Variants in OR14J1 observed in about 807,000 individuals in gnomAD.
OR14J1 encodes olfactory receptor family 14 subfamily J member 1.
For synonymous variants in OR14J1, 140 were observed against 146.7 expected (o/e 0.95, Z 0.33); for missense variants, 378 against 393.4 (o/e 0.96, Z 0.33).
At chr6:29,303,395 A>C (rs902273401) in intron 1 of OR14J1, among the ~76,000 whole-genome samples, 1 of 152,202 alleles carries the variant, frequency 6.6e-6, no homozygotes, top group Non-Finnish European at 1.5e-5. Flanking sequence ...AGAACTGTAT[A>C]ATAGTGTCAT....
At position 29,306,917 on chromosome 6, in the gene OR14J1, C is replaced by T. The variant is rs375688699; in HGVS notation, c.228C>T (p.Val76=). The change falls in exon 2 of 2, where the codon GTC becomes GTT. Residue 76 remains valine, a synonymous_variant. Transcript: ENST00000641895. The part of the protein sequence containing the change: ...LLDLCFISVT[V]PQSIANSLMG... Reference sequence around the variant, plus strand: ...ACCTCTGCTTCATCTCTGTCACAGTCCCCCAGTCCATTGCAAATTCACTTA... The same window carrying T: ...ACCTCTGCTTCATCTCTGTCACAGTTCCCCAGTCCATTGCAAATTCACTTA... 3.7e-6 allele frequency: 6 copies of T among 1,612,904 alleles called. No homozygotes were observed. The highest frequency in any genetic ancestry group is 1.3e-5 in the African/African-American group (1 of 74,908).
chr6:29,304,539 A>G (rs34778420), intron 1 of OR14J1, among the ~76,000 whole-genome samples: 1 of 152,106 alleles, frequency 6.6e-6, no homozygotes, highest in Admixed American at 6.6e-5. Context: ...TATCATCCTT[A>G]ATCCTAAGAG....
At position 29,307,853 on chromosome 6, in the gene OR14J1, T is replaced by C. The variant is rs1208008691; in HGVS notation, c.*198T>C. The C allele has an allele frequency of 8.4e-6, 4 of 473,918 alleles. No homozygotes were observed. The highest frequency in any genetic ancestry group is 1.5e-5 in the Non-Finnish European group (4 of 272,544). The allele number at this position is 473,918 out of a possible 1,614,324, so 29.4% of individuals were successfully genotyped here. ...CCAATTCAAGTGTTATTTTAAGTCA[T>C]CTTTGGAAAATTTTTCTGAAATGAA... On this transcript the variant is annotated 3_prime_UTR_variant, in exon 2 of 2. Coordinates refer to ENST00000641895, the MANE Select transcript of OR14J1 (RefSeq NM_030946.2).
At position 29,307,681 on chromosome 6, in the gene OR14J1, T is replaced by C. The variant is rs1562853416; in HGVS notation, c.*26T>C. On this transcript the variant is annotated 3_prime_UTR_variant, in exon 2 of 2. Transcript: ENST00000641895. ...AGAACCATACAAATGAAAGGCATTG[T>C]TATTATGTTTCAGATTGGAAGAGAG... The C allele has an allele frequency of 1.5e-6, 2 of 1,350,352 alleles. No homozygotes were observed. The highest frequency in any genetic ancestry group is 2.0e-6 in the Non-Finnish European group (2 of 980,680). 83.6% of individuals were successfully genotyped at this position (1,350,352 alleles called of 1,614,324 possible). A position where few individuals can be genotyped will look rare whatever the true frequency, so the allele number is the denominator to read the frequency against.
At chr6:29,305,225 A>G (rs1412310054) in intron 1 of OR14J1, among the ~76,000 whole-genome samples, 1 of 152,232 alleles carries the variant, frequency 6.6e-6, no homozygotes, top group Non-Finnish European at 1.5e-5. Flanking sequence ...AGTTTCAGTC[A>G]GTTCTCAAAA....
In OR14J1 at chr6:29,312,176, T is replaced by C. The variant is rs1775562898; in HGVS notation, c.*4521T>C. 6.6e-6 allele frequency: 1 copy of C among 152,250 alleles called. No individual in the cohort carries two copies. The highest frequency in any genetic ancestry group is 1.5e-5 in the Non-Finnish European group (1 of 68,070). The allele number at this position is 152,250 out of a possible 1,614,324, so 9.4% of individuals were successfully genotyped here. A position where few individuals can be genotyped will look rare whatever the true frequency, so the allele number is the denominator to read the frequency against. On this transcript the variant is annotated 3_prime_UTR_variant, in exon 2 of 2. Transcript: ENST00000641895. ...TTTTGAATTTGTTTTCTCTTGCTTC[T>C]CTAGTTGTTTTAATTGCGATATTAG...
In OR14J1 at chr6:29,311,416, T is replaced by C. The variant is rs1187366812; in HGVS notation, c.*3761T>C. 6.6e-6 allele frequency: 1 copy of C among 152,238 alleles called. No individual in the cohort carries two copies. The highest frequency in any genetic ancestry group is 1.5e-5 in the Non-Finnish European group (1 of 68,042). 9.4% of individuals were successfully genotyped at this position (152,238 alleles called of 1,614,324 possible). The stretch of plus-strand genomic sequence containing the variant: ...CTGTTTATGTGATAGATTCCATTTA[T>C]TGATTTGCATATTTGAATCAGCTTT... On this transcript the variant is annotated 3_prime_UTR_variant, in exon 2 of 2. Transcript: ENST00000641895.
At chr6:29,302,179 C>CTTTTTTTTTTTTTTTTTTT (rs1157949122) in intron 1 of OR14J1, among the ~76,000 whole-genome samples, 1 of 102,062 alleles carries the variant, frequency 9.8e-6, no homozygotes, top group Non-Finnish European at 2.0e-5. Context: ...TTTTTTTTTT[C>CTTTTTTTTTTTTTTTTTTT]TTTTTTTTTT....
chr6:29,307,122 G>C lies in OR14J1; in HGVS notation c.433G>C (p.Ala145Pro), dbSNP rs1311822309. The C allele has an allele frequency of 5.6e-6, 9 of 1,613,048 alleles. No homozygotes were observed. Among genetic ancestry groups the C allele is most frequent in the African/African-American group, 1.3e-5 (1 of 75,038 alleles). ...CCGTGCCTGTAGGCATGCAGTGATA[G>C]CTGTGTGGATTGCTGGGGGCCTCTC... Reference protein sequence around the residue: ...DPRACRHAVIAVWIAGGLSGL... With the variant: ...DPRACRHAVIPVWIAGGLSGL... Residue 145 changes from alanine (A) to proline (P), a missense_variant, in exon 2 of 2, where the codon GCT becomes CCT. Transcript: ENST00000641895.
rs190370907 is a variant in OR14J1, at chr6:29,307,295, G to A, written c.606G>A (p.Thr202=). 42 of 1,612,928 alleles carry A rather than the reference G, an allele frequency of 2.6e-5. No homozygotes were observed. The highest frequency in any genetic ancestry group is 8.3e-5 in the Admixed American group (5 of 60,016). ...INEIALAAFT[T]SAAFICLISI... ...AGATTGCACTGGCTGCATTCACAAC[G>A]TCTGCAGCATTTATCTGTTTGATCT... The change falls in exon 2 of 2, where the codon ACG becomes ACA. Residue 202 remains threonine (T), a synonymous_variant. Coordinates refer to ENST00000641895, the MANE Select transcript of OR14J1 (RefSeq NM_030946.2).
chr6:29,302,127 T>TAGTTA (rs1774741939), intron 1 of OR14J1, among the ~76,000 whole-genome samples: 1 of 151,450 alleles, frequency 6.6e-6, no homozygotes, highest in South Asian at 2.1e-4. Context: ...TGTTAAAAGA[T>TAGTTA]AGTTAAGTAT....
chr6:29,307,086 A>G lies in OR14J1; in HGVS notation c.397A>G (p.Ile133Val). ...AICQPLHYETIMDPRACRHAV... is the reference protein window; with the variant it reads ...AICQPLHYETVMDPRACRHAV... ...CTGTCAACCACTTCATTATGAGACT[A>G]TTATGGATCCCCGTGCCTGTAGGCA... Residue 133 changes from isoleucine (I) to valine (V), a missense_variant, in exon 2 of 2, where the codon ATT becomes GTT. By Grantham distance (29) the Ile-to-Val change is conservative. Transcript: ENST00000641895. 6.2e-7 allele frequency: 1 copy of G among 1,613,044 alleles called. No homozygotes were observed. The highest frequency in any genetic ancestry group is 8.5e-7 in the Non-Finnish European group (1 of 1,180,016).
Position 29,311,998 on chromosome 6 carries a change from T to C in OR14J1, c.*4343T>C, listed in dbSNP as rs1433690828. On this transcript the variant is annotated 3_prime_UTR_variant, in exon 2 of 2. Coordinates refer to ENST00000641895, the MANE Select transcript of OR14J1 (RefSeq NM_030946.2). Reference sequence around the variant, plus strand: ...TATAGTGTCTATTGATTTTTCTCTCTTGTCTTCTTTATTAGTCTGGCTAGC... The same window carrying C: ...TATAGTGTCTATTGATTTTTCTCTCCTGTCTTCTTTATTAGTCTGGCTAGC... 2 of 152,150 alleles carry C rather than the reference T, an allele frequency of 1.3e-5. No homozygotes were observed. Among genetic ancestry groups the C allele is most frequent in the African/African-American group, 4.8e-5 (2 of 41,428 alleles). The allele number at this position is 152,150 out of a possible 1,614,324, so 9.4% of individuals were successfully genotyped here.
intron 1 of OR14J1, among the ~76,000 whole-genome samples, chr6:29,303,677 C>A (rs1774861259): frequency 6.7e-6 from 1 of 150,150 alleles, no homozygotes; most frequent in Non-Finnish European, 1.5e-5. Flanking sequence ...ATGGATGAGT[C>A]TTAAGATTAT....
chr6:29,306,905 C>G lies in OR14J1; in HGVS notation c.216C>G (p.Ile72Met). 6.2e-7 allele frequency: 1 copy of G among 1,613,092 alleles called. No homozygotes were observed. The highest frequency in any genetic ancestry group is 8.5e-7 in the Non-Finnish European group (1 of 1,180,008). The change falls in exon 2 of 2, where the codon ATC (isoleucine) becomes ATG (methionine). Residue 72 changes from isoleucine (I) to methionine (M), a missense_variant. Transcript: ENST00000641895. ...KHLSLLDLCF[I>M]SVTVPQSIAN... ...TCTCTCTTCTGGACCTCTGCTTCAT[C>G]TCTGTCACAGTCCCCCAGTCCATTG...
rs1264206865 is a variant in OR14J1 at position 29,307,313 on chromosome 6, T to C, written c.624T>C (p.Cys208=). ...TCACAACGTCTGCAGCATTTATCTG[T>C]TTGATCTCCATTGTGCTCTCCTACA... The part of the protein sequence containing the change: ...AAFTTSAAFI[C]LISIVLSYIR... Residue 208 remains cysteine, a synonymous_variant, in exon 2 of 2, where the codon TGT becomes TGC. Coordinates refer to ENST00000641895, the MANE Select transcript of OR14J1 (RefSeq NM_030946.2). 1.2e-6 allele frequency: 2 copies of C among 1,613,092 alleles called. No homozygotes were observed. The highest frequency in any genetic ancestry group is 3.3e-5 in the Admixed American group (2 of 60,020).
chr6:29,305,103 T>C (rs1161312747), intron 1 of OR14J1, among the ~76,000 whole-genome samples: 1 of 152,138 alleles, frequency 6.6e-6, no homozygotes, highest in African/African-American at 2.4e-5. Context: ...AACCCCTGTT[T>C]TCCTCTGATT....
rs1562851552 is a variant in OR14J1 at position 29,307,180 on chromosome 6, T to C, written c.491T>C (p.Ile164Thr). Residue 164 changes from isoleucine to threonine, a missense_variant, in exon 2 of 2, where the codon ATA becomes ACA. Transcript: ENST00000641895. ...GLMHAAINFS[I>T]PLCGKRVIHQ... The stretch of plus-strand genomic sequence containing the variant: ...ATGCATGCTGCCATTAACTTCTCCA[T>C]ACCTCTCTGTGGGAAGAGAGTCATT... 1 of 1,613,056 alleles carries C rather than the reference T, an allele frequency of 6.2e-7. No homozygotes were observed. Among genetic ancestry groups the C allele is most frequent in the Admixed American group, 1.7e-5 (1 of 60,016 alleles).
intron 1 of OR14J1, among the ~76,000 whole-genome samples, chr6:29,305,410 A>G (rs993203905): frequency 1.3e-5 from 2 of 152,218 alleles, no homozygotes; most frequent in Admixed American, 6.5e-5. Context: ...ACTGAAATCA[A>G]TTATGTAGAT....
Sources: gnomAD v4.1 joint callset for allele counts (sites outside exome capture counted in the v4.1 genomes callset) on GRCh38, gnomAD v4.1.1 for gene constraint, MANE v1.5 for transcripts, NCBI Gene and HGNC (gene_info 2026-07-23, HGNC 2026-07-21) for gene names.